NFKBIL1: variants seen among roughly 807,000 people sequenced by gnomAD.
NFKBIL1 encodes NFKB inhibitor like 1, also known as NF-kappa-B inhibitor-like protein 1.
In NFKBIL1, 30 loss-of-function variants were observed where a neutral mutation model predicts 45.4. The ratio of observed to expected loss-of-function variants is 0.66; its 90% CI spans 0.49 to 0.90. The LOEUF (loss-of-function observed/expected upper bound fraction) is 0.90. Ranked by LOEUF, NFKBIL1 falls within the 40% of genes least tolerant of loss-of-function variation. NFKBIL1 has a pLI of 0.00. For missense variants in NFKBIL1, 434 were observed against 513.4 expected (o/e 0.85, Z 1.49); for synonymous variants, 179 against 197.3 (o/e 0.91, Z 0.78).
chr6:31,552,264 TC>T (rs1424861347), intron 2 of NFKBIL1, among the ~76,000 whole-genome samples: 27 of 89,092 alleles, frequency 3.0e-4, no homozygotes, highest in Non-Finnish European at 5.5e-4. Flanking sequence ...GTTTTTGTTT[TC>T]TGTTTTGTTT....
chr6:31,549,194 C>T (rs1435670167), intron 2 of NFKBIL1, among the ~76,000 whole-genome samples: 1 of 152,152 alleles, frequency 6.6e-6, no homozygotes, highest in Admixed American at 6.6e-5. Flanking sequence ...GAGTACCTGG[C>T]ACACACGATA....
intron 2 of NFKBIL1, among the ~76,000 whole-genome samples, chr6:31,556,222 GA>G (rs1769732025): frequency 1.2e-5 from 1 of 81,150 alleles, no homozygotes; most frequent in Non-Finnish European, 2.4e-5. Flanking sequence ...GCACTAGGGA[GA>G]AGTGCCCCCC....
Position 31,558,325 on chromosome 6 carries a change from G to T in NFKBIL1, c.860G>T (p.Arg287Ile). The stretch of plus-strand genomic sequence containing the variant: ...GCCGGGCCCAGGGAAGAGCACCCCA[G>T]AGGAGCGGGGAGGGGCAGCCTCTGG... The part of the protein sequence containing the change: ...TRAGPREEHP[R>I]GAGRGSLWRF... Residue 287 changes from arginine (R) to isoleucine (I), a missense_variant, in exon 4 of 4, where the codon AGA (arginine) becomes ATA (isoleucine). Arg to Ile is a moderately conservative substitution (Grantham distance 97). This residue lies in a region of NFKBIL1 where 128 missense variants were observed against 106.5 expected (regional missense o/e 1.20). Coordinates refer to ENST00000376148, the MANE Select transcript of NFKBIL1 (RefSeq NM_005007.4). This position sits in a 1 kb window ranked among gnomAD's most constrained non-coding sequence, Gnocchi z 7.2. 6.4e-7 allele frequency: 1 copy of T among 1,566,324 alleles called. No homozygotes were observed. Among genetic ancestry groups the T allele is most frequent in the East Asian group, 2.3e-5 (1 of 43,494 alleles).
At chr6:31,550,173 C>A (rs1769348538) in intron 2 of NFKBIL1, among the ~76,000 whole-genome samples, 1 of 151,502 alleles carries the variant, frequency 6.6e-6, no homozygotes, top group African/African-American at 2.4e-5. Context: ...TGCATTCCAA[C>A]CTGGGCAACA....
At chr6:31,555,458 G>A (rs546750671) in intron 2 of NFKBIL1, among the ~76,000 whole-genome samples, 105 of 150,148 alleles carry the variant, frequency 7.0e-4, no homozygotes, top group Middle Eastern at 3.4e-3. Context: ...GGCTGGTCTC[G>A]AACTCCTGAC....
Position 31,557,106 on chromosome 6 carries a change from ATT to A in NFKBIL1, c.335-504_335-503del, listed in dbSNP as rs9279350. ...ATAGTTTGTGGAGACACAAGTAAGAATTTTTTTTTTTTTTTTTTTGAGACGGA... is the reference window on the plus strand; with the variant it reads ...ATAGTTTGTGGAGACACAAGTAAGAATTTTTTTTTTTTTTTTTGAGACGGA... On this transcript the variant is annotated intron_variant, in intron 2 of 3. Coordinates refer to ENST00000376148, the MANE Select transcript of NFKBIL1 (RefSeq NM_005007.4). The surrounding 1 kb of genome is among the most constrained non-coding windows in gnomAD (Gnocchi z 5.4). Among the ~76,000 whole-genome samples the A allele has an allele frequency of 0.13, 16,170 of 124,770 alleles. 993 individuals carry two copies. The highest frequency in any genetic ancestry group is 0.19 in the African/African-American group (6,241 of 32,910). 81.9% of individuals were successfully genotyped at this position (124,770 alleles called of 152,430 possible). A position where few individuals can be genotyped will look rare whatever the true frequency, so the allele number is the denominator to read the frequency against.
Position 31,548,145 on chromosome 6 carries a change from CCT to C in NFKBIL1, c.58-17_58-16del, listed in dbSNP as rs1491330377. ...GCCAAGGCTGAAGTCCTGACTGCTG[CCT>C]TTTTTCCTTCCCCAGCCCAAGAGTT... is the stretch of plus-strand genomic sequence containing the variant. On this transcript the variant is annotated splice_polypyrimidine_tract_variant and intron_variant, in intron 1 of 3. Transcript: ENST00000376148. 1 of 1,613,148 alleles carries C rather than the reference CCT, an allele frequency of 6.2e-7. No homozygotes were observed. Among genetic ancestry groups the C allele is most frequent in the Non-Finnish European group, 8.5e-7 (1 of 1,180,044 alleles).
intron 2 of NFKBIL1, among the ~76,000 whole-genome samples, chr6:31,549,449 G>A (rs934373785): frequency 6.7e-6 from 1 of 148,904 alleles, no homozygotes; most frequent in Non-Finnish European, 1.5e-5. Flanking sequence ...ATGGGTTTTC[G>A]CCATGTTGGA....
At position 31,557,312 on chromosome 6, in the gene NFKBIL1, G is replaced by A. The variant is rs1769799109; in HGVS notation, c.335-316G>A. Among the ~76,000 whole-genome samples the A allele has an allele frequency of 1.3e-5, 2 of 152,132 alleles. No individual in the cohort carries two copies. Among genetic ancestry groups the A allele is most frequent in the Admixed American group, 1.3e-4 (2 of 15,268 alleles). ...TTTAGTAGAGATGGGATTTCACCAT[G>A]TTAGCCAGGATGGTCTTGATCTCCT... On this transcript the variant is annotated intron_variant, in intron 2 of 3. Coordinates refer to ENST00000376148, the MANE Select transcript of NFKBIL1 (RefSeq NM_005007.4). The surrounding 1 kb of genome is among the most constrained non-coding windows in gnomAD (Gnocchi z 5.4).
intron 1 of NFKBIL1, 80 bp from the exon 2 acceptor site, chr6:31,548,083 A>G: frequency 1.3e-6 from 2 of 1,575,458 alleles, no homozygotes; most frequent in Non-Finnish European, 1.7e-6. Flanking sequence ...AAAGGGAGAA[A>G]CAACAGGGGA....
At chr6:31,555,226 A>AT (rs1270175438) in intron 2 of NFKBIL1, among the ~76,000 whole-genome samples, 3 of 132,252 alleles carry the variant, frequency 2.3e-5, no homozygotes, top group Non-Finnish European at 3.3e-5. Context: ...TTGCCAGTCT[A>AT]TTTTTTTTCT....
At position 31,558,611 on chromosome 6, in the gene NFKBIL1, A is replaced by G. The variant is rs1769921282; in HGVS notation, c.1146A>G (p.Ter382TrpextTer2). The G allele has an allele frequency of 2.0e-6, 3 of 1,537,542 alleles. No individual in the cohort carries two copies. Among genetic ancestry groups the G allele is most frequent in the Non-Finnish European group, 2.6e-6 (3 of 1,136,580 alleles). The change falls in exon 4 of 4, where the codon TGA (stop) becomes TGG (tryptophan). Residue 382 changes from the stop codon to tryptophan (W), a stop_lost. Coordinates refer to ENST00000376148, the MANE Select transcript of NFKBIL1 (RefSeq NM_005007.4). The surrounding 1 kb of genome is among the most constrained non-coding windows in gnomAD (Gnocchi z 7.2). Reference sequence around the variant, plus strand: ...ATCGCCATGCAGAGGCCCTCAAGTGACCCTAGGGAAGAAGCAAGAAACTTC... The same window carrying G: ...ATCGCCATGCAGAGGCCCTCAAGTGGCCCTAGGGAAGAAGCAAGAAACTTC... ...ALNRHAEALK[*>W]
intron 2 of NFKBIL1, among the ~76,000 whole-genome samples, chr6:31,553,105 A>G (rs1407205644): frequency 1.0e-4 from 15 of 144,298 alleles, no homozygotes; most frequent in African/African-American, 3.9e-4. Flanking sequence ...GCAATGGCGC[A>G]ATCTCAGCTT....
Position 31,548,203 on chromosome 6 carries a change from G to T in NFKBIL1, c.98G>T (p.Arg33Leu). The part of the protein sequence containing the change: ...SMASTSRRQR[R>L]ERRFRRYLSA... The stretch of plus-strand genomic sequence containing the variant: ...GCCTCCACTTCCCGCCGCCAACGCC[G>T]AGAACGTCGCTTTCGTCGTTACTTG... Residue 33 changes from arginine to leucine, a missense_variant, in exon 2 of 4, where the codon CGA becomes CTA. Arg to Leu is a moderately radical substitution (Grantham distance 102, BLOSUM62 -2). Around this residue, in one of 4 missense-constraint regions of NFKBIL1, gnomAD observed 231 missense variants for 264.1 expected, o/e 0.87. Coordinates refer to ENST00000376148, the MANE Select transcript of NFKBIL1 (RefSeq NM_005007.4). 2.5e-6 allele frequency: 4 copies of T among 1,613,130 alleles called. No individual in the cohort carries two copies. The highest frequency in any genetic ancestry group is 3.4e-6 in the Non-Finnish European group (4 of 1,180,042).
chr6:31,552,721 G>T lies in NFKBIL1; in HGVS notation c.334+4282G>T, dbSNP rs537578434. ...TTTTTTTTTTTTTTTTTGGCGAAGT[G>T]GGGGATGGAGTCTCATTCTGTCGCC... On this transcript the variant is annotated intron_variant, in intron 2 of 3. Transcript: ENST00000376148. 4.6e-5 allele frequency among the ~76,000 whole-genome samples: 6 copies of T among 129,740 alleles called. 1 individual carries two copies. Among genetic ancestry groups the T allele is most frequent in the Admixed American group, 4.1e-4 (5 of 12,124 alleles). 85.1% of individuals were successfully genotyped at this position (129,740 alleles called of 152,430 possible). A position where few individuals can be genotyped will look rare whatever the true frequency, so the allele number is the denominator to read the frequency against.
intron 2 of NFKBIL1, chr6:31,556,837 T>A (rs1769768054): frequency 1.8e-5 from 8 of 442,862 alleles, no homozygotes; most frequent in South Asian, 1.2e-4. Flanking sequence ...CTCAGTTTAT[T>A]GATAAGTGAT....
intron 2 of NFKBIL1, among the ~76,000 whole-genome samples, chr6:31,553,854 G>C (rs1769573172): frequency 6.6e-6 from 1 of 151,970 alleles, no homozygotes; most frequent in Non-Finnish European, 1.5e-5. Context: ...GTGGAGACGG[G>C]GTTTCACCAT....
In NFKBIL1 at chr6:31,557,198, C is replaced by T. The variant is rs1207841425; in HGVS notation, c.335-430C>T. On this transcript the variant is annotated intron_variant, in intron 2 of 3. Transcript: ENST00000376148. The surrounding 1 kb of genome is among the most constrained non-coding windows in gnomAD (Gnocchi z 5.4). ...TCTCGGCTTACTACAAGCTCCACCT[C>T]CCGGGTTCACATCATTCTCCTGCCT... Among the ~76,000 whole-genome samples the T allele has an allele frequency of 5.3e-5, 8 of 151,726 alleles. No homozygotes were observed. Among genetic ancestry groups the T allele is most frequent in the African/African-American group, 1.9e-4 (8 of 41,186 alleles).
Position 31,548,274 on chromosome 6 carries a change from C to T in NFKBIL1, c.169C>T (p.Pro57Ser). ...VRAQALLQRH[P>S]GLDVDAGQPP... ...GGCCCAGGCCCTCCTCCAGCGACACCCAGGCCTCGATGTAGATGCTGGGCA... is the reference window on the plus strand; with the variant it reads ...GGCCCAGGCCCTCCTCCAGCGACACTCAGGCCTCGATGTAGATGCTGGGCA... Residue 57 changes from proline (P) to serine (S), a missense_variant, in exon 2 of 4, where the codon CCA becomes TCA. Physicochemically the swap from Pro to Ser is moderately conservative, Grantham distance 74. Transcript: ENST00000376148. 3 of 1,612,684 alleles carry T rather than the reference C, an allele frequency of 1.9e-6. No homozygotes were observed. Among genetic ancestry groups the T allele is most frequent in the Admixed American group, 1.7e-5 (1 of 60,000 alleles).
Sources: allele counts gnomAD v4.1 joint callset (sites outside exome capture counted in the v4.1 genomes callset), GRCh38; gene constraint gnomAD v4.1.1; regional missense constraint gnomAD v4.1.1; non-coding constraint Gnocchi (gnomAD v3.1); transcripts MANE v1.5; gene names NCBI Gene and HGNC (gene_info 2026-07-23, HGNC 2026-07-21).